Variants in NEGR1 observed in about 807,000 individuals in gnomAD.
The protein encoded by NEGR1 is neuronal growth regulator 1.
Under a neutral mutation model 40.9 loss-of-function variants are expected in NEGR1, and 10 were observed. The observed-to-expected ratio is 0.24, with a 90% CI of 0.15 to 0.42. The LOEUF (loss-of-function observed/expected upper bound fraction) is 0.42. Ranked by LOEUF, NEGR1 falls within the 10% of genes least tolerant of loss-of-function variation. NEGR1 has a pLI of 1.00. For missense variants in NEGR1, 352 were observed against 438.9 expected (o/e 0.80, Z 1.77); for synonymous variants, 185 against 166.8 (o/e 1.11, Z -0.84).
intron 3 of NEGR1, among the ~76,000 whole-genome samples, chr1:71,753,784 T>C (rs1215751818): frequency 6.6e-6 from 1 of 152,192 alleles, no homozygotes. Flanking sequence ...ATCCAACATA[T>C]GCTCTGTAAC....
chr1:71,800,060 C>A (rs1657499277), intron 2 of NEGR1, among the ~76,000 whole-genome samples: 1 of 152,098 alleles, frequency 6.6e-6, no homozygotes, highest in African/African-American at 2.4e-5. Flanking sequence ...TGAGATGGTA[C>A]CCCATTGTGG....
chr1:71,817,061 T>G (rs1219290136), intron 2 of NEGR1, among the ~76,000 whole-genome samples: 7 of 152,072 alleles, frequency 4.6e-5, no homozygotes, highest in Admixed American at 4.6e-4. Context: ...ATAGTTTGCA[T>G]TCTCTCCTCA....
chr1:71,903,963 T>A (rs1258444431), intron 2 of NEGR1, among the ~76,000 whole-genome samples: 6 of 152,000 alleles, frequency 3.9e-5, no homozygotes, highest in African/African-American at 1.4e-4. Flanking sequence ...TCTTATTCTT[T>A]CATTCAATAA....
intron 6 of NEGR1, among the ~76,000 whole-genome samples, chr1:71,559,901 A>G (rs1281489133): frequency 1.3e-5 from 2 of 151,276 alleles, no homozygotes; most frequent in African/African-American, 4.8e-5. Context: ...AAAAGCTCCC[A>G]GGATCTTAGT....
At chr1:71,646,152 A>G (rs959762556) in intron 4 of NEGR1, among the ~76,000 whole-genome samples, 1 of 151,814 alleles carries the variant, frequency 6.6e-6, no homozygotes, top group African/African-American at 2.4e-5. Context: ...ACACATACAT[A>G]TAGTTGAATA....
At chr1:72,043,996 A>G (rs866542557) in intron 1 of NEGR1, among the ~76,000 whole-genome samples, 7 of 151,856 alleles carry the variant, frequency 4.6e-5, no homozygotes, top group African/African-American at 1.4e-4. Flanking sequence ...CAATATTCAA[A>G]ACACTATCTT....
chr1:71,589,874 C>T (rs1408477834), intron 6 of NEGR1, among the ~76,000 whole-genome samples: 1 of 152,074 alleles, frequency 6.6e-6, no homozygotes. Flanking sequence ...TCTCCAAAAC[C>T]AGGATACAGC....
intron 1 of NEGR1, among the ~76,000 whole-genome samples, chr1:72,253,586 G>C (rs573260942): frequency 6.6e-6 from 1 of 152,134 alleles, no homozygotes; most frequent in Non-Finnish European, 1.5e-5. Flanking sequence ...CTAGGAATAA[G>C]TAAGTGTTCA....
intron 1 of NEGR1, among the ~76,000 whole-genome samples, chr1:72,089,386 T>C (rs551278042): frequency 1.3e-5 from 2 of 152,330 alleles, no homozygotes; most frequent in African/African-American, 2.4e-5. Flanking sequence ...GGCTGACTCA[T>C]GATAAACATA....
At chr1:71,815,752 A>T (rs1188674569) in intron 2 of NEGR1, among the ~76,000 whole-genome samples, 1 of 151,978 alleles carries the variant, frequency 6.6e-6, no homozygotes, top group East Asian at 1.9e-4. Flanking sequence ...CCTTCCTTTC[A>T]GGTACAGAGG....
chr1:71,995,890 ATTAC>A (rs1265195814), intron 1 of NEGR1, among the ~76,000 whole-genome samples: 1 of 152,176 alleles, frequency 6.6e-6, no homozygotes. Context: ...ATTCTAAAAA[ATTAC>A]TTTTACTCTT....
At chr1:72,141,675 A>C (rs1650683822) in intron 1 of NEGR1, among the ~76,000 whole-genome samples, 1 of 152,022 alleles carries the variant, frequency 6.6e-6, no homozygotes, top group African/African-American at 2.4e-5. Flanking sequence ...TCTTTGTTTA[A>C]ATGATGGTAA....
chr1:71,577,115 A>C (rs1369868662), intron 6 of NEGR1, among the ~76,000 whole-genome samples: 4 of 152,212 alleles, frequency 2.6e-5, no homozygotes, highest in Admixed American at 1.3e-4. Flanking sequence ...ACAGAATTGT[A>C]ATTTTTTTTG....
At chr1:71,520,238 T>C (rs1647146501) in intron 6 of NEGR1, among the ~76,000 whole-genome samples, 1 of 152,086 alleles carries the variant, frequency 6.6e-6, no homozygotes, top group Admixed American at 6.6e-5. Flanking sequence ...GATTTAAAAT[T>C]ATTTAACACA....
chr1:71,799,190 C>A (rs1037761266), intron 2 of NEGR1, among the ~76,000 whole-genome samples: 4 of 151,986 alleles, frequency 2.6e-5, no homozygotes, highest in African/African-American at 9.7e-5. Context: ...GCTATCCCTC[C>A]CCTAGCACTC....
At chr1:71,687,866 G>C (rs913786222) in intron 4 of NEGR1, among the ~76,000 whole-genome samples, 1 of 152,104 alleles carries the variant, frequency 6.6e-6, no homozygotes, top group African/African-American at 2.4e-5. Flanking sequence ...CTAGAATTAG[G>C]ATTTTAAAGT....
chr1:71,568,651 T>C (rs1179126733), intron 6 of NEGR1, among the ~76,000 whole-genome samples: 1 of 151,870 alleles, frequency 6.6e-6, no homozygotes, highest in Non-Finnish European at 1.5e-5. Context: ...AGGAAAAAAA[T>C]ACACATATAT....
chr1:71,466,237 T>C (rs543473352), intron 6 of NEGR1, among the ~76,000 whole-genome samples: 2 of 152,186 alleles, frequency 1.3e-5, no homozygotes, highest in Admixed American at 6.6e-5. Flanking sequence ...GAAGTAATAG[T>C]GTTGTAGCAA....
intron 3 of NEGR1, among the ~76,000 whole-genome samples, chr1:71,717,497 T>G (rs1228244508): frequency 6.6e-6 from 1 of 152,230 alleles, no homozygotes; most frequent in African/African-American, 2.4e-5. Context: ...CCTATTTATG[T>G]GCCATATCTT....
Sources: allele counts gnomAD v4.1 joint callset (sites outside exome capture counted in the v4.1 genomes callset), GRCh38; gene constraint gnomAD v4.1.1; transcripts MANE v1.5; gene names NCBI Gene and HGNC (gene_info 2026-07-23, HGNC 2026-07-21).